HHAT: variants seen among roughly 807,000 people sequenced by gnomAD.
HHAT encodes the protein protein-cysteine N-palmitoyltransferase HHAT.
A neutral mutation model predicts 70.8 loss-of-function variants in HHAT; 47 were observed. The ratio of observed to expected loss-of-function variants is 0.66; its 90% CI spans 0.53 to 0.85. The LOEUF (loss-of-function observed/expected upper bound fraction) is 0.85. HHAT is among the 40% of genes least tolerant of loss of function. The pLI, the probability that HHAT is intolerant of heterozygous loss-of-function variation, is 0.00. For missense variants in HHAT, 609 were observed against 604.8 expected (o/e 1.01, Z -0.07); for synonymous variants, 228 against 247.6 (o/e 0.92, Z 0.74).
At chr1:210,329,564 T>G in intron 1 of HHAT, 3 of 870,248 alleles carry the variant, frequency 3.4e-6, no homozygotes, top group Non-Finnish European at 4.1e-6. Context: ...GTGGCAGGTC[T>G]TTATGCGGAA....
chr1:210,671,007 T>C (rs1030014456), intron 11 of HHAT, among the ~76,000 whole-genome samples: 1 of 152,188 alleles, frequency 6.6e-6, no homozygotes, highest in African/African-American at 2.4e-5. Context: ...AACCTAGCTA[T>C]GGCCCGTGCT....
chr1:210,366,807 T>C (rs753688858), intron 3 of HHAT, among the ~76,000 whole-genome samples: 33 of 152,310 alleles, frequency 2.2e-4, no homozygotes, highest in Non-Finnish European at 4.0e-4. Flanking sequence ...CCTGTTCCTC[T>C]TCTGGATTGG....
intron 6 of HHAT, among the ~76,000 whole-genome samples, chr1:210,414,605 G>A (rs1316192230): frequency 1.3e-5 from 2 of 152,164 alleles, no homozygotes; most frequent in African/African-American, 4.8e-5. Context: ...CTGATGCCAG[G>A]CATTTGGAGA....
At chr1:210,606,305 C>T (rs1665418947) in intron 10 of HHAT, among the ~76,000 whole-genome samples, 1 of 152,174 alleles carries the variant, frequency 6.6e-6, no homozygotes, top group South Asian at 2.1e-4. Context: ...GTAAGTGTGG[C>T]TCACTGCCAA....
intron 7 of HHAT, among the ~76,000 whole-genome samples, chr1:210,420,181 C>G (rs1194092827): frequency 6.6e-6 from 1 of 152,146 alleles, no homozygotes; most frequent in Non-Finnish European, 1.5e-5. Context: ...TGTACTTTTA[C>G]CACAGTTAAA....
In HHAT at chr1:210,526,367, G is replaced by GTTTTGTTTTGTTTTGTTTTGTTTTTTTT; in HGVS notation, c.1043+13183_1043+13184insGTTTTGTTTTGTTTTGTTTTTTTTTTTT. 3.4e-3 allele frequency among the ~76,000 whole-genome samples: 491 copies of GTTTTGTTTTGTTTTGTTTTGTTTTTTTT among 142,380 alleles called. 13 individuals carry two copies. The highest frequency in any genetic ancestry group is 5.9e-3 in the Non-Finnish European group (387 of 65,826). The allele number at this position is 142,380 out of a possible 152,430, so 93.4% of individuals were successfully genotyped here. ...TAATAAACTAACCAGAGTGGGTTCTGTTTTTTTTTTTGCCACTGAGATAAC... is the reference window on the plus strand; with the variant it reads ...TAATAAACTAACCAGAGTGGGTTCTGTTTTGTTTTGTTTTGTTTTGTTTTTTTTTTTTTTTTTTTGCCACTGAGATAAC... On this transcript the variant is annotated intron_variant, in intron 9 of 11. Transcript: ENST00000261458.
intron 9 of HHAT, among the ~76,000 whole-genome samples, chr1:210,569,266 C>A (rs369357486): frequency 6.7e-6 from 1 of 148,864 alleles, no homozygotes; most frequent in Admixed American, 6.8e-5. Flanking sequence ...CCCAGCGACT[C>A]GGGAGGCTGA....
At chr1:210,535,532 G>A (rs535667119) in intron 9 of HHAT, among the ~76,000 whole-genome samples, 1 of 152,006 alleles carries the variant, frequency 6.6e-6, no homozygotes, top group South Asian at 2.1e-4. Flanking sequence ...TTTGGATGGG[G>A]GAGAAAGATC....
At chr1:210,390,409 T>A (rs989653919) in intron 4 of HHAT, among the ~76,000 whole-genome samples, 1 of 152,208 alleles carries the variant, frequency 6.6e-6, no homozygotes, top group Non-Finnish European at 1.5e-5. Flanking sequence ...TCGTTTCTTA[T>A]TAGGAAGATA....
chr1:210,488,363 A>G (rs2094503661), intron 8 of HHAT, among the ~76,000 whole-genome samples: 1 of 151,952 alleles, frequency 6.6e-6, no homozygotes, highest in African/African-American at 2.4e-5. Context: ...TTTTCTTTTT[A>G]CTTTTTGCTG....
At chr1:210,373,116 TA>T (rs1310570166) in intron 3 of HHAT, among the ~76,000 whole-genome samples, 1 of 152,200 alleles carries the variant, frequency 6.6e-6, no homozygotes, top group Non-Finnish European at 1.5e-5. Context: ...CTCATTTGGA[TA>T]CTTTCAATGT....
In HHAT at chr1:210,437,540, GGTGAGAGGCT is replaced by G. The variant is rs994256267; in HGVS notation, c.856+19218_856+19227del. Among the ~76,000 whole-genome samples the G allele has an allele frequency of 2.6e-5, 4 of 151,838 alleles. 1 individual carries two copies. The highest frequency in any genetic ancestry group is 4.9e-5 in the African/African-American group (2 of 41,114). ...CTGTGCTAGTAGCCAGGTTAATCTT[GGTGAGAGGCT>G]GTCCACATTGTTGATCCTGTGCAAA... On this transcript the variant is annotated intron_variant, in intron 7 of 11. Transcript: ENST00000261458.
chr1:210,456,726 T>TGG (rs1164018235), intron 7 of HHAT, among the ~76,000 whole-genome samples: 1 of 152,202 alleles, frequency 6.6e-6, no homozygotes, highest in African/African-American at 2.4e-5. Flanking sequence ...TTCTCCCTGG[T>TGG]GGGGCTGCTT....
chr1:210,367,049 G>A (rs914581393), intron 3 of HHAT, among the ~76,000 whole-genome samples: 1 of 152,218 alleles, frequency 6.6e-6, no homozygotes, highest in Non-Finnish European at 1.5e-5. Context: ...ACATTCCTAT[G>A]CTAGTTTCTC....
chr1:210,432,663 T>G (rs530334473), intron 7 of HHAT, among the ~76,000 whole-genome samples: 4 of 151,918 alleles, frequency 2.6e-5, no homozygotes, highest in Non-Finnish European at 5.9e-5. Flanking sequence ...GGGTCCTGAC[T>G]GCATCTTTTT....
Position 210,357,092 on chromosome 1 carries a change from A to C in HHAT, c.92-5760A>C, listed in dbSNP as rs369450312. Among the ~76,000 whole-genome samples, 93 of 152,304 alleles carry C rather than the reference A, an allele frequency of 6.1e-4. 1 individual carries two copies. The highest frequency in any genetic ancestry group is 2.2e-3 in the African/African-American group (92 of 41,550). On this transcript the variant is annotated intron_variant, in intron 2 of 11. Transcript: ENST00000261458. ...CACATTATATTTGGCTGTGGTTTCC[A>C]TTGTTATCTATGGCCAGGGTCTTAG...
intron 11 of HHAT, among the ~76,000 whole-genome samples, chr1:210,658,531 T>G (rs1446198242): frequency 6.6e-6 from 1 of 152,174 alleles, no homozygotes; most frequent in Admixed American, 6.5e-5. Flanking sequence ...CTTGTTAACC[T>G]TCTGTCTCAT....
intron 9 of HHAT, among the ~76,000 whole-genome samples, chr1:210,571,953 A>G (rs1558186690): frequency 6.6e-6 from 1 of 152,186 alleles, no homozygotes. Flanking sequence ...CTCAATTACC[A>G]TGGGATTTTT....
intron 11 of HHAT, among the ~76,000 whole-genome samples, chr1:210,655,134 C>G (rs1420561559): frequency 6.7e-6 from 1 of 148,558 alleles, no homozygotes; most frequent in Non-Finnish European, 1.5e-5. Flanking sequence ...AGCTGAGGCC[C>G]CTTCCCCGGA....
Sources: gnomAD v4.1 joint callset for allele counts (sites outside exome capture counted in the v4.1 genomes callset) on GRCh38, gnomAD v4.1.1 for gene constraint, MANE v1.5 for transcripts, NCBI Gene and HGNC (gene_info 2026-07-23, HGNC 2026-07-21) for gene names.